Variants in PIEZO2 observed in about 807,000 individuals in gnomAD.
PIEZO2 encodes the protein piezo-type mechanosensitive ion channel component 2.
A neutral mutation model predicts 337.3 loss-of-function variants in PIEZO2; 172 were observed. The observed-to-expected ratio is 0.51, with a 90% CI of 0.45 to 0.58. The LOEUF is 0.58. Among genes scored for constraint, PIEZO2 ranks in the 20% least tolerant of loss-of-function variants. PIEZO2 has a pLI of 0.00. For synonymous variants in PIEZO2, 1,251 were observed against 1,228.5 expected (o/e 1.02, Z -0.38); for missense variants, 3,028 against 3,391.3 (o/e 0.89, Z 2.66).
At position 10,813,417 on chromosome 18, in the gene PIEZO2, C is replaced by T. The variant is rs1714224362; in HGVS notation, c.918-6143G>A. Among the ~76,000 whole-genome samples, 1 of 152,174 alleles carries T rather than the reference C, an allele frequency of 6.6e-6. No homozygotes were observed. The highest frequency in any genetic ancestry group is 2.1e-4 in the South Asian group (1 of 4,830). Reference sequence around the variant, plus strand: ...AATAAAAACTCCCTATTCCCTTCTCCTCCCAGGCCCTGGAAACCACCATTG... The same window carrying T: ...AATAAAAACTCCCTATTCCCTTCTCTTCCCAGGCCCTGGAAACCACCATTG... On this transcript the variant is annotated intron_variant, in intron 7 of 55. Transcript: ENST00000674853. The surrounding 1 kb of genome is among the most constrained non-coding windows in gnomAD (Gnocchi z 4.2).
In PIEZO2 at chr18:10,855,049, A is replaced by G. The variant is rs936880622; in HGVS notation, c.917+304T>C. ...CACATCCTTATTGTTCTTCGGTGTA[A>G]AATGTTCTTCCTGATCTTCTTCCCC... On this transcript the variant is annotated intron_variant, in intron 7 of 55. Transcript: ENST00000674853. The surrounding 1 kb of genome is among the most constrained non-coding windows in gnomAD (Gnocchi z 4.9). Among the ~76,000 whole-genome samples the G allele has an allele frequency of 5.3e-5, 8 of 152,020 alleles. No homozygotes were observed. Among genetic ancestry groups the G allele is most frequent in the African/African-American group, 1.9e-4 (8 of 41,386 alleles).
intron 7 of PIEZO2, among the ~76,000 whole-genome samples, chr18:10,814,360 T>C (rs903507721): frequency 2.0e-5 from 3 of 152,178 alleles, no homozygotes; most frequent in Non-Finnish European, 4.4e-5. Context: ...CCAGGAAATA[T>C]ATTGTTTCCA....
intron 7 of PIEZO2, among the ~76,000 whole-genome samples, chr18:10,825,782 C>A (rs1394590841): frequency 6.6e-6 from 1 of 151,904 alleles, no homozygotes; most frequent in African/African-American, 2.4e-5. Flanking sequence ...AACTCCCGAC[C>A]TCAGGTGATC....
chr18:10,879,710 G>A (rs1291113586), intron 4 of PIEZO2, among the ~76,000 whole-genome samples: 1 of 152,050 alleles, frequency 6.6e-6, no homozygotes, highest in Non-Finnish European at 1.5e-5. Context: ...TCTTGTTAGA[G>A]TCATACTGAT....
chr18:10,921,808 G>C lies in PIEZO2; in HGVS notation c.287-10580C>G, dbSNP rs563967292. ...AACATCCCTGAGAAAGAGAATACTC[G>C]CCTGAGGGTGGGTCTCTGAACTGGC... On this transcript the variant is annotated intron_variant, in intron 3 of 55. Coordinates refer to ENST00000674853, the MANE Select transcript of PIEZO2 (RefSeq NM_001378183.1). Among the ~76,000 whole-genome samples, 66 of 152,200 alleles carry C rather than the reference G, an allele frequency of 4.3e-4. 1 individual carries two copies. The highest frequency in any genetic ancestry group is 1.4e-3 in the African/African-American group (60 of 41,542).
At chr18:11,051,318 C>T (rs1319520439) in intron 2 of PIEZO2, among the ~76,000 whole-genome samples, 4 of 150,478 alleles carry the variant, frequency 2.7e-5, no homozygotes, top group Non-Finnish European at 4.4e-5. Context: ...ATAATTAACA[C>T]ACCTTAGACA....
Position 10,862,410 on chromosome 18 carries a change from C to G in PIEZO2, c.493-5199G>C, listed in dbSNP as rs918342593. On this transcript the variant is annotated intron_variant, in intron 5 of 55. Transcript: ENST00000674853. The surrounding 1 kb of genome is among the most constrained non-coding windows in gnomAD (Gnocchi z 4.4). ...CCTGAATGAGGGCCTAAACACAAAG[C>G]TCTCATCCCACAATGAGACGGGATC... Among the ~76,000 whole-genome samples, 9 of 152,142 alleles carry G rather than the reference C, an allele frequency of 5.9e-5. No individual in the cohort carries two copies. The highest frequency in any genetic ancestry group is 2.2e-4 in the African/African-American group (9 of 41,440).
chr18:10,798,818 T>C (rs576138312), intron 11 of PIEZO2, among the ~76,000 whole-genome samples: 1 of 152,324 alleles, frequency 6.6e-6, no homozygotes, highest in South Asian at 2.1e-4. Flanking sequence ...GTGCTCATGC[T>C]CTGAAGAGCA....
chr18:11,110,394 G>T lies in PIEZO2; in HGVS notation c.64+38131C>A, dbSNP rs1337443651. Among the ~76,000 whole-genome samples the T allele has an allele frequency of 6.6e-6, 1 of 152,368 alleles. No homozygotes were observed. Among genetic ancestry groups the T allele is most frequent in the South Asian group, 2.1e-4 (1 of 4,828 alleles). On this transcript the variant is annotated intron_variant, in intron 1 of 55. Transcript: ENST00000674853. This position sits in a 1 kb window ranked among gnomAD's most constrained non-coding sequence, Gnocchi z 4.2. ...GTAGAAAGATCATCCCACCCTGGGAGTTGGGCCTCCCCCGCATTCTGGCTG... is the reference window on the plus strand; with the variant it reads ...GTAGAAAGATCATCCCACCCTGGGATTTGGGCCTCCCCCGCATTCTGGCTG...
chr18:10,708,901 C>CT (rs56699495), intron 39 of PIEZO2, among the ~76,000 whole-genome samples: 25 of 152,004 alleles, frequency 1.6e-4, no homozygotes, highest in Non-Finnish European at 3.4e-4. Flanking sequence ...ATATTTCAAT[C>CT]TTTTTTTTCT....
intron 38 of PIEZO2, among the ~76,000 whole-genome samples, chr18:10,715,255 A>G (rs2035967855): frequency 6.6e-6 from 1 of 152,216 alleles, no homozygotes; most frequent in South Asian, 2.1e-4. Flanking sequence ...ATTATAAAAA[A>G]GTTTTAGATC....
At chr18:10,788,844 C>T (rs1481434175) in intron 15 of PIEZO2, among the ~76,000 whole-genome samples, 8 of 152,224 alleles carry the variant, frequency 5.3e-5, no homozygotes, top group Non-Finnish European at 1.2e-4. Flanking sequence ...CCTTGCCTCC[C>T]AAAGTGCTGA....
At chr18:10,776,326 T>G (rs2038784292) in intron 18 of PIEZO2, among the ~76,000 whole-genome samples, 1 of 152,222 alleles carries the variant, frequency 6.6e-6, no homozygotes. Flanking sequence ...GTTAAGCAGT[T>G]AACACAGTGG....
intron 3 of PIEZO2, among the ~76,000 whole-genome samples, chr18:10,944,747 G>T (rs1390965630): frequency 1.3e-5 from 2 of 151,708 alleles, no homozygotes; most frequent in African/African-American, 4.8e-5. Flanking sequence ...GCCAAGATGG[G>T]TTATAAAATT....
chr18:11,072,216 G>A (rs747785954), intron 1 of PIEZO2, among the ~76,000 whole-genome samples: 2 of 152,082 alleles, frequency 1.3e-5, no homozygotes, highest in African/African-American at 2.4e-5. Context: ...TACTGTATCT[G>A]CTCCAGAGTA....
chr18:10,722,149 CAA>C (rs57201451), intron 36 of PIEZO2, among the ~76,000 whole-genome samples: 26,313 of 125,268 alleles, frequency 0.21, 2,521 homozygotes, highest in South Asian at 0.31. Flanking sequence ...GACTCCATCT[CAA>C]AAAAAAAAAA....
rs2146085872 is a variant in PIEZO2 at position 11,099,689 on chromosome 18, C to T, written c.65-33467G>A. On this transcript the variant is annotated intron_variant, in intron 1 of 55. Coordinates refer to ENST00000674853, the MANE Select transcript of PIEZO2 (RefSeq NM_001378183.1). This position sits in a 1 kb window ranked among gnomAD's most constrained non-coding sequence, Gnocchi z 5.4. ...ACCATGTTGGCCAGGCTGATCTTGA[C>T]CTCAGGTGATCTGCCCACCTCGGCC... Among the ~76,000 whole-genome samples the T allele has an allele frequency of 6.6e-6, 1 of 152,232 alleles. No individual in the cohort carries two copies. The highest frequency in any genetic ancestry group is 2.1e-4 in the South Asian group (1 of 4,822).
intron 1 of PIEZO2, among the ~76,000 whole-genome samples, chr18:11,113,445 C>T (rs2146157197): frequency 6.6e-6 from 1 of 152,328 alleles, no homozygotes; most frequent in East Asian, 1.9e-4. Flanking sequence ...CCTAAAGGGC[C>T]TCCTAAGGAT....
At chr18:10,840,802 G>A (rs1435778578) in intron 7 of PIEZO2, among the ~76,000 whole-genome samples, 1 of 152,104 alleles carries the variant, frequency 6.6e-6, no homozygotes. Context: ...GTTATATTTG[G>A]GGTCTGGAGA....
Sources: gnomAD v4.1 joint callset for allele counts (sites outside exome capture counted in the v4.1 genomes callset) on GRCh38, gnomAD v4.1.1 for gene constraint, Gnocchi (gnomAD v3.1) non-coding constraint, MANE v1.5 for transcripts, NCBI Gene and HGNC (gene_info 2026-07-23, HGNC 2026-07-21) for gene names.